FBXO4: variants seen among roughly 807,000 people sequenced by gnomAD.
The protein encoded by FBXO4 is F-box protein 4.
Under a neutral mutation model 43.7 loss-of-function variants are expected in FBXO4, and 36 were observed. The observed-to-expected ratio is 0.82, with a 90% CI of 0.63 to 1.09. The LOEUF (loss-of-function observed/expected upper bound fraction) is 1.09, where lower values mean the gene tolerates loss of function less well. Among genes scored for constraint, FBXO4 ranks in the 50% least tolerant of loss-of-function variants. The probability of loss-of-function intolerance (pLI) is 0.00; values close to 1 mark genes in which losing one functional copy is unlikely to be tolerated. For missense variants in FBXO4, 435 were observed against 474.1 expected, an observed-to-expected ratio of 0.92 and a Z score of 0.77; for synonymous variants, 180 against 165.6, an observed-to-expected ratio of 1.09 and a Z score of -0.67.
chr5:41,967,094 G>T, the FBXO4 span: 2 of 251,170 alleles, frequency 8.0e-6, no homozygotes, highest in East Asian at 1.0e-4. Context: ...TTTGTTTCTT[G>T]AGCTGGCTTG....
chr5:41,941,813 C>A (rs1047907066), downstream of FBXO4: 1 of 152,392 alleles, frequency 6.6e-6, no homozygotes, highest in South Asian at 2.1e-4. Context: ...AGAAAGCAAG[C>A]TTATATCATA....
the FBXO4 span, among the ~76,000 whole-genome samples, chr5:41,960,175 G>A: frequency 0.08 from 12,091 of 151,934 alleles, 690 homozygotes; most frequent in African/African-American, 0.16. Flanking sequence ...TTGTTAACGT[G>A]TAGAAATACT....
the FBXO4 span, among the ~76,000 whole-genome samples, chr5:42,031,343 C>T: frequency 6.6e-6 from 1 of 151,466 alleles, no homozygotes; most frequent in Non-Finnish European, 1.5e-5. Flanking sequence ...TCATTCTCAG[C>T]AAACTATCAC....
At chr5:41,988,939 A>G in the FBXO4 span, among the ~76,000 whole-genome samples, 1 of 152,210 alleles carries the variant, frequency 6.6e-6, no homozygotes, top group African/African-American at 2.4e-5. Flanking sequence ...AAGCTGTGGA[A>G]AGCACTTAAC....
At chr5:41,951,759 C>T in the FBXO4 span, 1 of 209,318 alleles carries the variant, frequency 4.8e-6, no homozygotes, top group Non-Finnish European at 9.6e-6. Flanking sequence ...TGACCTAGAG[C>T]AATGGTAGAC....
chr5:41,936,718 T>C (rs1434538593), intron 5 of FBXO4, among the ~76,000 whole-genome samples: 1 of 150,790 alleles, frequency 6.6e-6, no homozygotes, highest in Non-Finnish European at 1.5e-5. Flanking sequence ...AAGGAAAGAA[T>C]CATTGAAAGT....
At chr5:41,951,369 G>A in the FBXO4 span, 2 of 235,198 alleles carry the variant, frequency 8.5e-6, no homozygotes, top group South Asian at 5.7e-5. Context: ...GGGCAAACCA[G>A]CCTTCGGTGG....
chr5:42,037,464 G>T, the FBXO4 span, among the ~76,000 whole-genome samples: 1 of 151,840 alleles, frequency 6.6e-6, no homozygotes, highest in Non-Finnish European at 1.5e-5. Context: ...AAGAAGGGAG[G>T]GGAAAAACAA....
At chr5:41,933,517 C>T (rs1751756873) in intron 3 of FBXO4, among the ~76,000 whole-genome samples, 2 of 152,098 alleles carry the variant, frequency 1.3e-5, no homozygotes, top group African/African-American at 2.4e-5. Flanking sequence ...TGTGCCTGCC[C>T]CCCCCATCAA....
chr5:41,957,199 G>T, the FBXO4 span, among the ~76,000 whole-genome samples: 2 of 151,716 alleles, frequency 1.3e-5, no homozygotes, highest in African/African-American at 4.8e-5. Context: ...TATTTATTCT[G>T]GTCTATTCTA....
the FBXO4 span, among the ~76,000 whole-genome samples, chr5:41,996,736 T>C: frequency 6.6e-6 from 1 of 151,946 alleles, no homozygotes; most frequent in Admixed American, 6.6e-5. Context: ...TTCTCTTGGT[T>C]GTAGGGGAGG....
intron 3 of FBXO4, among the ~76,000 whole-genome samples, chr5:41,930,956 G>A (rs558527919): frequency 3.0e-4 from 45 of 152,284 alleles, no homozygotes; most frequent in Non-Finnish European, 1.5e-5. Flanking sequence ...GCGCCCGGCG[G>A]AGAACTACAT....
chr5:42,030,300 C>T, the FBXO4 span, among the ~76,000 whole-genome samples: 2 of 152,148 alleles, frequency 1.3e-5, no homozygotes, highest in African/African-American at 2.4e-5. Context: ...AGAAATAATG[C>T]TGCATGTCTA....
At chr5:42,037,574 G>A in the FBXO4 span, among the ~76,000 whole-genome samples, 494 of 152,124 alleles carry the variant, frequency 3.2e-3, 4 homozygotes, top group African/African-American at 0.011. Context: ...TCAGAATCAC[G>A]TAGACTCTGT....
At chr5:41,934,373 T>G in intron 5 of FBXO4, 65 bp downstream of exon 5, 1 of 1,603,040 alleles carries the variant, frequency 6.2e-7, no homozygotes. Flanking sequence ...AAATACCTTT[T>G]TAGACTTTAC....
At chr5:42,026,359 C>T in the FBXO4 span, among the ~76,000 whole-genome samples, 1 of 151,478 alleles carries the variant, frequency 6.6e-6, no homozygotes, top group Non-Finnish European at 1.5e-5. Context: ...ATAGAAATGC[C>T]ACACTGATTT....
At chr5:41,935,890 G>A (rs149761794) in intron 5 of FBXO4, among the ~76,000 whole-genome samples, 1 of 152,322 alleles carries the variant, frequency 6.6e-6, no homozygotes, top group Non-Finnish European at 1.5e-5. Context: ...AAGAAACTCT[G>A]GTACTCCAGT....
downstream of FBXO4, among the ~76,000 whole-genome samples, chr5:41,946,228 A>T (rs761363077): frequency 6.6e-6 from 1 of 151,996 alleles, no homozygotes; most frequent in Non-Finnish European, 1.5e-5. Context: ...CTGGGAACAA[A>T]GAGAGAGCCC....
At chr5:41,944,082 T>G (rs1752042435), downstream of FBXO4, among the ~76,000 whole-genome samples, 1 of 152,182 alleles carries the variant, frequency 6.6e-6, no homozygotes, top group Non-Finnish European at 1.5e-5. Context: ...ACACTCGGTC[T>G]ATGGTGTTTC....
Sources: gnomAD v4.1 joint callset for allele counts (sites outside exome capture counted in the v4.1 genomes callset) on GRCh38, gnomAD v4.1.1 for gene constraint, MANE v1.5 for transcripts, NCBI Gene and HGNC (gene_info 2026-07-23, HGNC 2026-07-21) for gene names.